PRKN: variants seen among roughly 807,000 people sequenced by gnomAD.
PRKN encodes the protein E3 ubiquitin-protein ligase parkin.
In PRKN, 56 loss-of-function variants were observed where a neutral mutation model predicts 59.5. The observed-to-expected ratio is 0.94, with a 90% CI of 0.76 to 1.18. PRKN has a LOEUF of 1.18. Ranked by LOEUF, PRKN falls within the 50% of genes most tolerant of loss-of-function variation. The pLI is 0.00. For missense variants in PRKN, 657 were observed against 596.4 expected, an observed-to-expected ratio of 1.10 and a Z score of -1.06; for synonymous variants, 250 against 222.1, an observed-to-expected ratio of 1.13 and a Z score of -1.12.
At chr6:162,431,540 A>G (rs1040225755) in intron 2 of PRKN, among the ~76,000 whole-genome samples, 48 of 152,132 alleles carry the variant, frequency 3.2e-4, no homozygotes, top group African/African-American at 1.1e-3. Context: ...CCTGGGCTAC[A>G]GAGCAAGACT....
rs1314485065 is a variant in PRKN at position 161,390,987 on chromosome 6, C to A, written c.1084-4110G>T. ...GAAAAATGTACTGAACCGCTAAGGG[C>A]ATGGGGAACAGAATTCTGGGGAACT... On this transcript the variant is annotated intron_variant, in intron 9 of 11. Transcript: ENST00000366898. The surrounding 1 kb of genome is among the most constrained non-coding windows in gnomAD (Gnocchi z 7.0). Among the ~76,000 whole-genome samples the A allele has an allele frequency of 6.6e-6, 1 of 152,080 alleles. No homozygotes were observed. The highest frequency in any genetic ancestry group is 2.4e-5 in the African/African-American group (1 of 41,370).
chr6:162,144,704 C>A (rs192380826), intron 4 of PRKN, among the ~76,000 whole-genome samples: 1 of 152,154 alleles, frequency 6.6e-6, no homozygotes, highest in Non-Finnish European at 1.5e-5. Context: ...TTCTAATTGA[C>A]TGCTGAGAAT....
rs889982317 is a variant in PRKN, at chr6:161,483,119, A to C, written c.1083+65735T>G. Among the ~76,000 whole-genome samples, 7 of 149,784 alleles carry C rather than the reference A, an allele frequency of 4.7e-5. No homozygotes were observed. Among genetic ancestry groups the C allele is most frequent in the African/African-American group, 1.5e-4 (6 of 40,184 alleles). ...AGGGACTTCTCAGCAATTTCTCTCT[A>C]TGTGTTCTGCAGATAAATGTTCTTT... On this transcript the variant is annotated intron_variant, in intron 9 of 11. Coordinates refer to ENST00000366898, the MANE Select transcript of PRKN (RefSeq NM_004562.3). This position sits in a 1 kb window ranked among gnomAD's most constrained non-coding sequence, Gnocchi z 5.0.
intron 1 of PRKN, among the ~76,000 whole-genome samples, chr6:162,501,073 C>T (rs919840785): frequency 1.4e-4 from 21 of 151,992 alleles, no homozygotes; most frequent in African/African-American, 4.6e-4. Context: ...GAGGTTGTGG[C>T]GAGACGATTG....
chr6:162,633,249 C>T (rs576204332), intron 1 of PRKN, among the ~76,000 whole-genome samples: 53 of 151,622 alleles, frequency 3.5e-4, no homozygotes, highest in African/African-American at 1.2e-3. Context: ...GCCTGGCCGA[C>T]GTGGTGAAAC....
chr6:161,929,517 CTTTTTTTTTTTT>C (rs759945931), intron 6 of PRKN, among the ~76,000 whole-genome samples: 1 of 72,272 alleles, frequency 1.4e-5, no homozygotes, highest in Non-Finnish European at 2.5e-5. Flanking sequence ...AATTTCACCT[CTTTTTTTTTTTT>C]TTTTTTTTTT....
chr6:161,627,336 T>C (rs761681645), intron 7 of PRKN, among the ~76,000 whole-genome samples: 1 of 152,228 alleles, frequency 6.6e-6, no homozygotes, highest in African/African-American at 2.4e-5. Flanking sequence ...TACGTATTAT[T>C]TTCTGAAAGA....
intron 10 of PRKN, among the ~76,000 whole-genome samples, chr6:161,384,292 G>A (rs1041052661): frequency 1.6e-4 from 24 of 152,104 alleles, no homozygotes; most frequent in Admixed American, 6.5e-5. Flanking sequence ...AGTGGCTCAC[G>A]CCTGTCATCT....
Position 161,809,717 on chromosome 6 carries a change from C to A in PRKN, c.735-23809G>T, listed in dbSNP as rs138872611. On this transcript the variant is annotated intron_variant, in intron 6 of 11. Transcript: ENST00000366898. ...ATACTGATAATAAATTTTTCCTTGA[C>A]AAATGCACTTAGGGCACCCTTCACA... Among the ~76,000 whole-genome samples the A allele has an allele frequency of 6.8e-3, 1,028 of 152,062 alleles. 14 individuals carry two copies. The highest frequency in any genetic ancestry group is 0.024 in the African/African-American group (982 of 41,484).
chr6:162,201,256 GAGA>G lies in PRKN; in HGVS notation c.413-7_413-5del. ...CTGTTGTAGATTGATCTACCTGCTG[GAGA>G]AGAAAAAGCAGAAGAAGTGGCTAAT... is the stretch of plus-strand genomic sequence containing the variant. On this transcript the variant is annotated splice_region_variant and splice_polypyrimidine_tract_variant and intron_variant, in intron 3 of 11. Coordinates refer to ENST00000366898, the MANE Select transcript of PRKN (RefSeq NM_004562.3). 1.5e-5 allele frequency: 24 copies of G among 1,613,336 alleles called. No homozygotes were observed. The highest frequency in any genetic ancestry group is 2.0e-5 in the Non-Finnish European group (24 of 1,179,518).
chr6:162,096,677 C>G (rs1294099551), intron 4 of PRKN, among the ~76,000 whole-genome samples: 1 of 152,036 alleles, frequency 6.6e-6, no homozygotes, highest in African/African-American at 2.4e-5. Context: ...TTCTCATTCT[C>G]TTTTGCCTGC....
intron 5 of PRKN, among the ~76,000 whole-genome samples, chr6:161,980,994 T>C (rs1335297762): frequency 6.6e-6 from 1 of 152,224 alleles, no homozygotes; most frequent in African/African-American, 2.4e-5. Flanking sequence ...TATATTGAGA[T>C]TAAACTCAAC....
At chr6:161,567,984 C>T (rs938153663) in intron 8 of PRKN, among the ~76,000 whole-genome samples, 3 of 152,132 alleles carry the variant, frequency 2.0e-5, no homozygotes, top group Non-Finnish European at 1.5e-5. Flanking sequence ...ACCTGCAATA[C>T]GGGATAACTG....
intron 1 of PRKN, among the ~76,000 whole-genome samples, chr6:162,676,370 A>G (rs931230767): frequency 6.6e-6 from 1 of 152,096 alleles, no homozygotes; most frequent in Non-Finnish European, 1.5e-5. Context: ...AAAATAGCAG[A>G]GGTGAAAAAA....
chr6:161,691,318 C>T (rs1016288275), intron 7 of PRKN, among the ~76,000 whole-genome samples: 1 of 152,202 alleles, frequency 6.6e-6, no homozygotes, highest in Non-Finnish European at 1.5e-5. Flanking sequence ...CGAAGCAAGG[C>T]CCCTGCAGGC....
At chr6:162,314,383 T>A (rs1185295592) in intron 2 of PRKN, among the ~76,000 whole-genome samples, 1 of 152,176 alleles carries the variant, frequency 6.6e-6, no homozygotes, top group African/African-American at 2.4e-5. Flanking sequence ...TAAATGTGAC[T>A]CATACTTGGT....
chr6:162,556,520 G>A (rs1434738321), intron 1 of PRKN, among the ~76,000 whole-genome samples: 8 of 151,452 alleles, frequency 5.3e-5, no homozygotes, highest in Admixed American at 1.3e-4. Flanking sequence ...AGGCCGAGGC[G>A]GGGGGATCAC....
At chr6:162,491,746 G>A (rs191440639) in intron 1 of PRKN, among the ~76,000 whole-genome samples, 126 of 152,262 alleles carry the variant, frequency 8.3e-4, no homozygotes, top group African/African-American at 2.9e-3. Flanking sequence ...TCTGCAGCAG[G>A]GTCCACACCG....
At chr6:162,176,273 G>C (rs1783529471) in intron 4 of PRKN, among the ~76,000 whole-genome samples, 1 of 152,136 alleles carries the variant, frequency 6.6e-6, no homozygotes, top group African/African-American at 2.4e-5. Flanking sequence ...TTGAGGCTAG[G>C]CTAGTGTTTT....
Sources: allele counts gnomAD v4.1 joint callset (sites outside exome capture counted in the v4.1 genomes callset), GRCh38; gene constraint gnomAD v4.1.1; non-coding constraint Gnocchi (gnomAD v3.1); transcripts MANE v1.5; gene names NCBI Gene and HGNC (gene_info 2026-07-23, HGNC 2026-07-21).